CPEB3: variants seen among roughly 807,000 people sequenced by gnomAD.
CPEB3 encodes cytoplasmic polyadenylation element binding protein 3, also known as cytoplasmic polyadenylation element-binding protein 3.
A neutral mutation model predicts 67.2 loss-of-function variants in CPEB3; 20 were observed. The ratio of observed to expected loss-of-function variants is 0.30; its 90% CI spans 0.21 to 0.43. The LOEUF (loss-of-function observed/expected upper bound fraction) is 0.43, where lower values mean the gene tolerates loss of function less well. CPEB3 is among the 20% of genes least tolerant of loss of function. The pLI, the probability that CPEB3 is intolerant of heterozygous loss-of-function variation, is 1.00. For synonymous variants in CPEB3, 376 were observed against 393.1 expected (o/e 0.96, Z 0.51); for missense variants, 746 against 968.6 (o/e 0.77, Z 3.05).
At chr10:92,291,108 C>T (rs1842847792), upstream of CPEB3, 1 of 321,924 alleles carries the variant, frequency 3.1e-6, no homozygotes, top group Admixed American at 5.5e-5. Context: ...CTACATCTCC[C>T]AGGCTGCTCT....
chr10:92,265,893 T>C (rs1272363346), intron 1 of CPEB3, among the ~76,000 whole-genome samples: 2 of 150,638 alleles, frequency 1.3e-5, no homozygotes, highest in African/African-American at 2.4e-5. Flanking sequence ...TGTTGAGAGG[T>C]GGAGCCTTGA....
chr10:92,258,999 G>A (rs895210612), intron 1 of CPEB3, among the ~76,000 whole-genome samples: 2 of 150,532 alleles, frequency 1.3e-5, no homozygotes, highest in African/African-American at 2.4e-5. Context: ...GTCTCACTCC[G>A]TTGCCCAGGC....
intron 1 of CPEB3, among the ~76,000 whole-genome samples, chr10:92,257,976 A>C (rs147853642): frequency 4.0e-5 from 6 of 151,524 alleles, no homozygotes; most frequent in African/African-American, 7.3e-5. Flanking sequence ...ATGATTCGCC[A>C]ACCTCAGCCT....
intron 1 of CPEB3, among the ~76,000 whole-genome samples, chr10:92,279,782 G>C (rs990272752): frequency 1.3e-5 from 2 of 152,060 alleles, no homozygotes; most frequent in African/African-American, 4.8e-5. Flanking sequence ...TGGGTGGATC[G>C]CTCGATCTCT....
At chr10:92,057,870 G>C (rs544453679) in intron 9 of CPEB3, among the ~76,000 whole-genome samples, 3 of 152,300 alleles carry the variant, frequency 2.0e-5, no homozygotes, top group South Asian at 4.1e-4. Flanking sequence ...GAGTCTGCAG[G>C]AACCACAGCA....
At chr10:92,234,468 T>C (rs777698697) in intron 2 of CPEB3, among the ~76,000 whole-genome samples, 5 of 152,040 alleles carry the variant, frequency 3.3e-5, no homozygotes, top group Non-Finnish European at 5.9e-5. Context: ...CAAGTACAGA[T>C]TCAGTCCAGC....
intron 2 of CPEB3, among the ~76,000 whole-genome samples, chr10:92,230,983 T>A (rs141190792): frequency 3.9e-5 from 6 of 152,306 alleles, no homozygotes; most frequent in African/African-American, 1.4e-4. Context: ...CTTTGATATC[T>A]CCAGAACCAA....
chr10:92,149,389 G>C (rs1257444290), intron 4 of CPEB3, among the ~76,000 whole-genome samples: 3 of 152,204 alleles, frequency 2.0e-5, no homozygotes, highest in Non-Finnish European at 4.4e-5. Flanking sequence ...GATGAGGTGA[G>C]AGTCTGAAGA....
chr10:92,138,061 T>A (rs1394452405), intron 6 of CPEB3: 4 of 154,508 alleles, frequency 2.6e-5, no homozygotes, highest in African/African-American at 9.7e-5. Context: ...GACTTCACTG[T>A]CTCTGCCATG....
At chr10:92,079,073 C>G (rs966770341) in intron 9 of CPEB3, among the ~76,000 whole-genome samples, 3 of 152,166 alleles carry the variant, frequency 2.0e-5, no homozygotes, top group Non-Finnish European at 4.4e-5. Context: ...AAAAAGAAAG[C>G]TACTTCCATA....
chr10:92,090,763 T>A lies in CPEB3; in HGVS notation c.1687+1067A>T, dbSNP rs905797498. Among the ~76,000 whole-genome samples the A allele has an allele frequency of 9.9e-5, 15 of 152,192 alleles. 1 individual carries two copies. Among genetic ancestry groups the A allele is most frequent in the Admixed American group, 3.9e-4 (6 of 15,274 alleles). On this transcript the variant is annotated intron_variant, in intron 8 of 9. Transcript: ENST00000265997. ...TTACAAAGGGCTGCATTTGCCCCCA[T>A]CTCATAATGCTTTTCACGTTTGAAT...
At chr10:92,111,756 G>A (rs986931084) in intron 6 of CPEB3, among the ~76,000 whole-genome samples, 1 of 152,198 alleles carries the variant, frequency 6.6e-6, no homozygotes, top group African/African-American at 2.4e-5. Flanking sequence ...GCACAACTCT[G>A]TAAACATGCT....
At chr10:92,184,432 AT>A (rs1848596347) in intron 3 of CPEB3, among the ~76,000 whole-genome samples, 1 of 152,084 alleles carries the variant, frequency 6.6e-6, no homozygotes, top group South Asian at 2.1e-4. Flanking sequence ...GTGAAACCCC[AT>A]CTCTACTAAA....
chr10:92,139,315 T>C (rs546984046), intron 6 of CPEB3, among the ~76,000 whole-genome samples: 2 of 147,618 alleles, frequency 1.4e-5, no homozygotes, highest in East Asian at 3.9e-4. Flanking sequence ...AAAGAATATG[T>C]GGTACATATA....
At chr10:92,060,352 A>AAT (rs964575315) in intron 9 of CPEB3, among the ~76,000 whole-genome samples, 1 of 152,130 alleles carries the variant, frequency 6.6e-6, no homozygotes, top group Non-Finnish European at 1.5e-5. Flanking sequence ...CTTGTCTAAA[A>AAT]ATATATATAT....
chr10:92,142,051 A>C (rs1412646283), intron 6 of CPEB3, among the ~76,000 whole-genome samples: 2 of 151,500 alleles, frequency 1.3e-5, no homozygotes, highest in South Asian at 2.1e-4. Flanking sequence ...AAAAAAAAAA[A>C]AACAAAGAAC....
In CPEB3 at chr10:92,192,515, A is replaced by G; in HGVS notation, c.1127T>C (p.Met376Thr). 1 of 1,612,606 alleles carries G rather than the reference A, an allele frequency of 6.2e-7. No individual in the cohort carries two copies. The change falls in exon 3 of 10, where the codon ATG becomes ACG. Residue 376 changes from methionine to threonine, a missense_variant. Coordinates refer to ENST00000265997, the MANE Select transcript of CPEB3 (RefSeq NM_014912.5). ...CCTCCACATTATATCAGCGAAACTC[A>G]TTGGTGGGCCACTGGGAGGGTAGTG... ...GKHYPPSGPP[M>T]SFADIMWRNH...
At chr10:92,233,684 A>C (rs1220912157) in intron 2 of CPEB3, among the ~76,000 whole-genome samples, 1 of 152,172 alleles carries the variant, frequency 6.6e-6, no homozygotes, top group Non-Finnish European at 1.5e-5. Context: ...ATTCCCATGA[A>C]TTCATGTAAG....
intron 9 of CPEB3, among the ~76,000 whole-genome samples, chr10:92,054,438 T>C (rs1842036945): frequency 6.6e-6 from 1 of 152,274 alleles, no homozygotes; most frequent in Non-Finnish European, 1.5e-5. Context: ...TCTTTTTTTT[T>C]TTGAGACGGC....
Sources: gnomAD v4.1 joint callset for allele counts (sites outside exome capture counted in the v4.1 genomes callset) on GRCh38, gnomAD v4.1.1 for gene constraint, MANE v1.5 for transcripts, NCBI Gene and HGNC (gene_info 2026-07-23, HGNC 2026-07-21) for gene names.